The following PCCA variants were observed in gnomAD, a reference collection of about 807,000 sequenced individuals.
PCCA encodes the protein propionyl-CoA carboxylase subunit alpha.
In PCCA, 74 loss-of-function variants were observed where a neutral mutation model predicts 101.3. That is an observed-to-expected ratio of 0.73 (90% confidence interval 0.61 to 0.89). The LOEUF is 0.89. PCCA is among the 40% of genes least tolerant of loss of function. PCCA has a pLI of 0.00. For synonymous variants in PCCA, 294 were observed against 313.6 expected (o/e 0.94, Z 0.66); for missense variants, 891 against 907.0 (o/e 0.98, Z 0.23).
At chr13:100,417,415 G>A (rs897373851) in intron 19 of PCCA, among the ~76,000 whole-genome samples, 1 of 152,112 alleles carries the variant, frequency 6.6e-6, no homozygotes, top group African/African-American at 2.4e-5. Context: ...TCAAAAACAG[G>A]CGGCACTTCC....
At chr13:100,341,512 G>A (rs954113779) in intron 18 of PCCA, among the ~76,000 whole-genome samples, 2 of 152,002 alleles carry the variant, frequency 1.3e-5, no homozygotes, top group Non-Finnish European at 2.9e-5. Flanking sequence ...CGGAAACGTG[G>A]CTACATTTCA....
chr13:100,188,266 C>G (rs1306771419), intron 6 of PCCA, among the ~76,000 whole-genome samples: 1 of 150,028 alleles, frequency 6.7e-6, no homozygotes, highest in Admixed American at 6.7e-5. Flanking sequence ...GCACTCCAGC[C>G]TGGCGACAGA....
intron 7 of PCCA, among the ~76,000 whole-genome samples, chr13:100,230,816 AGCTTACATTTTAATGG>A (rs1205006277): frequency 6.6e-6 from 1 of 152,054 alleles, no homozygotes; most frequent in Non-Finnish European, 1.5e-5. Context: ...GTCCTTATGG[AGCTTACATTTTAATGG>A]GCTAGGGAGG....
chr13:100,190,953 C>T (rs1296145187), intron 6 of PCCA, among the ~76,000 whole-genome samples: 1 of 151,934 alleles, frequency 6.6e-6, no homozygotes, highest in Non-Finnish European at 1.5e-5. Flanking sequence ...AAAAATTAGC[C>T]AGGCATGGTG....
At chr13:100,293,223 A>G (rs1272807704) in intron 12 of PCCA, 2 of 471,648 alleles carry the variant, frequency 4.2e-6, no homozygotes, top group Non-Finnish European at 8.8e-6. Context: ...GGTACAGTGC[A>G]GGAGGAATCT....
At chr13:100,158,656 T>C (rs1386529733) in intron 6 of PCCA, among the ~76,000 whole-genome samples, 2 of 152,190 alleles carry the variant, frequency 1.3e-5, no homozygotes, top group African/African-American at 4.8e-5. Flanking sequence ...TGTATGTGTG[T>C]ATATATATAA....
In PCCA at chr13:100,243,431, T is replaced by C. The variant is rs74113851; in HGVS notation, c.637+7553T>C. 8.9e-3 allele frequency among the ~76,000 whole-genome samples: 1,361 copies of C among 152,276 alleles called. 19 individuals carry two copies. The highest frequency in any genetic ancestry group is 0.031 in the African/African-American group (1,299 of 41,550). ...CTCCCTTTTCCCCCTTAATCTTCAA[T>C]TTTATAATAGAGATACCTGGGGAAA... is the stretch of plus-strand genomic sequence containing the variant. On this transcript the variant is annotated intron_variant, in intron 8 of 23. Transcript: ENST00000376285.
chr13:100,096,666 G>T (rs7320133), intron 1 of PCCA, among the ~76,000 whole-genome samples: 1 of 152,180 alleles, frequency 6.6e-6, no homozygotes, highest in Non-Finnish European at 1.5e-5. Context: ...AAGGAAATTA[G>T]AAGTGCTACT....
At chr13:100,166,085 C>T (rs976975322) in intron 6 of PCCA, among the ~76,000 whole-genome samples, 1 of 152,128 alleles carries the variant, frequency 6.6e-6, no homozygotes, top group African/African-American at 2.4e-5. Flanking sequence ...CCTTCAACTC[C>T]AAAGACTTCC....
intron 19 of PCCA, among the ~76,000 whole-genome samples, chr13:100,386,616 C>A (rs186059614): frequency 3.3e-5 from 5 of 152,180 alleles, no homozygotes; most frequent in African/African-American, 9.7e-5. Flanking sequence ...CTCCTGACGT[C>A]GTGATCCACC....
At chr13:100,217,460 A>C (rs2059583569) in intron 7 of PCCA, among the ~76,000 whole-genome samples, 3 of 152,110 alleles carry the variant, frequency 2.0e-5, no homozygotes, top group African/African-American at 7.2e-5. Flanking sequence ...AAAAAAATTA[A>C]ATAGAAATTC....
chr13:100,288,291 T>G (rs1566871576), intron 12 of PCCA, among the ~76,000 whole-genome samples: 1 of 152,062 alleles, frequency 6.6e-6, no homozygotes, highest in African/African-American at 2.4e-5. Flanking sequence ...ATTGTGGGTT[T>G]TTTGTTTGTT....
At chr13:100,198,746 G>A (rs1186207057) in intron 6 of PCCA, among the ~76,000 whole-genome samples, 3 of 151,770 alleles carry the variant, frequency 2.0e-5, no homozygotes, top group Non-Finnish European at 4.4e-5. Context: ...TAATCTGCCC[G>A]CCTCGGCCTC....
At chr13:100,323,655 G>A (rs1008533768) in intron 16 of PCCA, among the ~76,000 whole-genome samples, 2 of 152,162 alleles carry the variant, frequency 1.3e-5, no homozygotes, top group Non-Finnish European at 2.9e-5. Flanking sequence ...CTAGAAGTTA[G>A]GTAGGTCAGT....
At chr13:100,096,820 G>C (rs1566455242) in intron 1 of PCCA, among the ~76,000 whole-genome samples, 1 of 152,360 alleles carries the variant, frequency 6.6e-6, no homozygotes, top group East Asian at 1.9e-4. Flanking sequence ...CCTCGCTTCA[G>C]TTCTGCGAAG....
chr13:100,461,346 TCTG>T (rs2082150902), intron 21 of PCCA, among the ~76,000 whole-genome samples: 1 of 152,268 alleles, frequency 6.6e-6, no homozygotes, highest in African/African-American at 2.4e-5. Context: ...AAAAAGGTCT[TCTG>T]CTTCTGAAAA....
intron 8 of PCCA, among the ~76,000 whole-genome samples, chr13:100,248,335 C>T (rs1279196192): frequency 6.6e-6 from 1 of 151,818 alleles, no homozygotes; most frequent in African/African-American, 2.4e-5. Flanking sequence ...TATTTTATGT[C>T]CCCTTCCCAT....
chr13:100,485,098 A>C (rs956642582), intron 21 of PCCA, among the ~76,000 whole-genome samples: 6 of 152,172 alleles, frequency 3.9e-5, no homozygotes, highest in African/African-American at 1.4e-4. Flanking sequence ...GGATTGCTTT[A>C]ATATTTAGCA....
rs374576645 is a variant in PCCA at position 100,330,567 on chromosome 13, C to T, written c.1436C>T (p.Thr479Ile). The T allele has an allele frequency of 6.3e-7, 1 of 1,585,082 alleles. No homozygotes were observed. The highest frequency in any genetic ancestry group is 8.7e-7 in the Non-Finnish European group (1 of 1,154,522). The change falls in exon 17 of 24, where the codon ACA (threonine) becomes ATA (isoleucine). Residue 479 changes from threonine to isoleucine, a missense_variant. By Grantham distance (89) the Thr-to-Ile change is moderately conservative. Coordinates refer to ENST00000376285, the MANE Select transcript of PCCA (RefSeq NM_000282.4). ...ALDNYVIRGV[T>I]HNIALLREVI... Reference sequence around the variant, plus strand: ...GATATCATTTTACTTTTAGGTGTTACACATAATATTGCATTACTTCGAGAG... The same window carrying T: ...GATATCATTTTACTTTTAGGTGTTATACATAATATTGCATTACTTCGAGAG...
Sources: gnomAD v4.1 joint callset for allele counts (sites outside exome capture counted in the v4.1 genomes callset) on GRCh38, gnomAD v4.1.1 for gene constraint, MANE v1.5 for transcripts, NCBI Gene and HGNC (gene_info 2026-07-23, HGNC 2026-07-21) for gene names.